Variants in CACNG8 observed in about 807,000 individuals in gnomAD.
CACNG8 encodes voltage-dependent calcium channel gamma-8 subunit.
In CACNG8, 5 loss-of-function variants were observed where a neutral mutation model predicts 26.9. The observed-to-expected ratio is 0.19, with a 90% CI of 0.10 to 0.39. The LOEUF (loss-of-function observed/expected upper bound fraction) is 0.39. Ranked by LOEUF, CACNG8 falls within the 10% of genes least tolerant of loss-of-function variation. The pLI is 1.00. For missense variants in CACNG8, 473 were observed against 609.4 expected (o/e 0.78, Z 2.36); for synonymous variants, 321 against 296.7 (o/e 1.08, Z -0.84).
At chr19:53,980,256 G>A (rs75921140) in intron 3 of CACNG8, among the ~76,000 whole-genome samples, 3,728 of 152,148 alleles carry the variant, frequency 0.025, 144 homozygotes, top group African/African-American at 0.086. Context: ...AACCGACACA[G>A]GCAGGTGTCT....
intron 1 of CACNG8, among the ~76,000 whole-genome samples, chr19:53,972,586 T>C (rs553991846): frequency 6.6e-6 from 1 of 151,810 alleles, no homozygotes; most frequent in African/African-American, 2.4e-5. Context: ...GGTCTCGAAC[T>C]CCTGACCTCA....
chr19:53,964,647 G>T (rs371294015), intron 1 of CACNG8, among the ~76,000 whole-genome samples: 1 of 151,944 alleles, frequency 6.6e-6, no homozygotes, highest in African/African-American at 2.4e-5. Flanking sequence ...CTCCTAGCTC[G>T]GCTCCCTGGC....
intron 1 of CACNG8, among the ~76,000 whole-genome samples, chr19:53,965,067 G>A (rs759652375): frequency 1.3e-5 from 2 of 152,184 alleles, no homozygotes; most frequent in Non-Finnish European, 2.9e-5. Context: ...TGGGTAAACT[G>A]AGGCTCAGAG....
intron 1 of CACNG8, 109 bp downstream of exon 1, chr19:53,963,534 C>G (rs886137249): frequency 1.8e-6 from 2 of 1,136,006 alleles, no homozygotes; most frequent in African/African-American, 3.3e-5. Flanking sequence ...GGCACCCCTC[C>G]TCCTCTGCCA....
Position 53,967,708 on chromosome 19 carries a change from G to A in CACNG8, c.283+4283G>A, listed in dbSNP as rs192098854. On this transcript the variant is annotated intron_variant, in intron 1 of 3. Transcript: ENST00000270458. ...AAATTAGCCAGGCGTGGTGGCACGCGCCTGTAGTCCCAGCTACTTGGTAGG... is the reference window on the plus strand; with the variant it reads ...AAATTAGCCAGGCGTGGTGGCACGCACCTGTAGTCCCAGCTACTTGGTAGG... 5.7e-4 allele frequency among the ~76,000 whole-genome samples: 86 copies of A among 152,208 alleles called. 1 individual carries two copies. In the East Asian group the frequency reaches 0.015, roughly 27 times the overall value.
At chr19:53,978,616 G>A (rs1057423565) in intron 2 of CACNG8, among the ~76,000 whole-genome samples, 1 of 151,686 alleles carries the variant, frequency 6.6e-6, no homozygotes, top group Non-Finnish European at 1.5e-5. Context: ...GGCTGGGAAA[G>A]CCTGTATTGC....
rs1420326442 is a variant in CACNG8 at position 53,982,608 on chromosome 19, G to T, written c.1037G>T (p.Gly346Val). The T allele has an allele frequency of 2.0e-6, 2 of 975,876 alleles. No homozygotes were observed. Among genetic ancestry groups the T allele is most frequent in the Non-Finnish European group, 2.4e-6 (2 of 823,380 alleles). The allele number at this position is 975,876 out of a possible 1,614,324, so 60.5% of individuals were successfully genotyped here. The change falls in exon 4 of 4, where the codon GGC (glycine) becomes GTC (valine). Residue 346 changes from glycine (G) to valine (V), a missense_variant. Gly to Val is a moderately radical substitution (Grantham distance 109). Coordinates refer to ENST00000270458, the MANE Select transcript of CACNG8 (RefSeq NM_031895.6). This position sits in a 1 kb window ranked among gnomAD's most constrained non-coding sequence, Gnocchi z 8.4. ...GGCGCGGCCGGGGGCGCCGGGGGCG[G>T]CGGCGGAGGCGGCGGCGGGGCGGGT...
chr19:53,978,282 G>C, intron 2 of CACNG8, 53 bp downstream of exon 2: 1 of 1,471,114 alleles, frequency 6.8e-7, no homozygotes. Context: ...GCGGGGCCTG[G>C]AAGGCGTCGG....
chr19:53,968,859 T>A (rs1600026077), intron 1 of CACNG8, among the ~76,000 whole-genome samples: 2 of 146,562 alleles, frequency 1.4e-5, no homozygotes, highest in African/African-American at 5.1e-5. Context: ...GAAAAACAGG[T>A]CCTTGGATGT....
At position 53,966,464 on chromosome 19, in the gene CACNG8, G is replaced by A. The variant is rs535367659; in HGVS notation, c.283+3039G>A. 5.3e-4 allele frequency among the ~76,000 whole-genome samples: 81 copies of A among 152,132 alleles called. 1 individual carries two copies. Among genetic ancestry groups the A allele is most frequent in the Admixed American group, 1.1e-3 (17 of 15,260 alleles). On this transcript the variant is annotated intron_variant, in intron 1 of 3. Coordinates refer to ENST00000270458, the MANE Select transcript of CACNG8 (RefSeq NM_031895.6). ...GTTTTGCTCTGTCACCCAGGCTGGC[G>A]TGCAGTGGTAAGACCATAGCTCACT... is the stretch of plus-strand genomic sequence containing the variant.
rs1314727938 is a variant in CACNG8, at chr19:53,989,560, C to T, written c.*6711C>T. ...AAGTACAAGGCCCTGCAATCTCAGG[C>T]CACTTCTGTCCCATCTCTGCCTTCA... On this transcript the variant is annotated 3_prime_UTR_variant, in exon 4 of 4. Transcript: ENST00000270458. The T allele has an allele frequency of 6.6e-6, 1 of 152,306 alleles. No individual in the cohort carries two copies. The highest frequency in any genetic ancestry group is 1.5e-5 in the Non-Finnish European group (1 of 68,060). The allele number at this position is 152,306 out of a possible 1,614,324, so 9.4% of individuals were successfully genotyped here.
In CACNG8 at chr19:53,987,692, G is replaced by A. The variant is rs1265885744; in HGVS notation, c.*4843G>A. ...ATTGTTACCAGGAACGAGGAGACTG[G>A]GATCAGGAAAGTGGCTTTGGGAGGG... On this transcript the variant is annotated 3_prime_UTR_variant, in exon 4 of 4. Transcript: ENST00000270458. The A allele has an allele frequency of 6.6e-6, 1 of 152,278 alleles. No homozygotes were observed. The highest frequency in any genetic ancestry group is 6.5e-5 in the Admixed American group (1 of 15,286). The allele number at this position is 152,278 out of a possible 1,614,324, so 9.4% of individuals were successfully genotyped here. A position where few individuals can be genotyped will look rare whatever the true frequency, so the allele number is the denominator to read the frequency against.
chr19:53,973,013 C>T (rs2069311538), intron 1 of CACNG8, among the ~76,000 whole-genome samples: 1 of 152,190 alleles, frequency 6.6e-6, no homozygotes. Context: ...CACTGCCTAC[C>T]TCCGAGGGTT....
intron 2 of CACNG8, among the ~76,000 whole-genome samples, chr19:53,979,074 G>A (rs1009319225): frequency 5.5e-5 from 8 of 146,502 alleles, no homozygotes; most frequent in African/African-American, 2.0e-4. Flanking sequence ...AGGGGGGAGA[G>A]ACCTAGGAAG....
At position 53,986,038 on chromosome 19, in the gene CACNG8, A is replaced by G. The variant is rs912917989; in HGVS notation, c.*3189A>G. On this transcript the variant is annotated 3_prime_UTR_variant, in exon 4 of 4. Transcript: ENST00000270458. ...GGAGAGCAGGAGAGACCAAACTAGT[A>G]GAGTCACAGACAGAGAAAAAGTCAA... The G allele has an allele frequency of 6.6e-6, 1 of 152,374 alleles. No individual in the cohort carries two copies. Among genetic ancestry groups the G allele is most frequent in the African/African-American group, 2.4e-5 (1 of 41,374 alleles). 9.4% of individuals were successfully genotyped at this position (152,374 alleles called of 1,614,324 possible).
At position 53,972,812 on chromosome 19, in the gene CACNG8, G is replaced by C. The variant is rs562100928; in HGVS notation, c.284-5334G>C. ...TGGTACGTTGGGATGTGTGTCCAGA[G>C]AGTTGGATTCCAGAGCCCACGATCA... On this transcript the variant is annotated intron_variant, in intron 1 of 3. Coordinates refer to ENST00000270458, the MANE Select transcript of CACNG8 (RefSeq NM_031895.6). Among the ~76,000 whole-genome samples the C allele has an allele frequency of 8.5e-5, 13 of 152,268 alleles. No homozygotes were observed. The South Asian group carries it at 2.7e-3, about 32-fold the overall frequency.
rs2069378192 is a variant in CACNG8 at position 53,982,599 on chromosome 19, C to CCGGGGG, written c.1032_1037dup (p.Gly351_Gly352dup). 1.0e-6 allele frequency: 1 copy of CCGGGGG among 964,536 alleles called. No individual in the cohort carries two copies. Among genetic ancestry groups the CCGGGGG allele is most frequent in the South Asian group, 4.6e-5 (1 of 21,846 alleles). 59.7% of individuals were successfully genotyped at this position (964,536 alleles called of 1,614,324 possible). A position where few individuals can be genotyped will look rare whatever the true frequency, so the allele number is the denominator to read the frequency against. The stretch of plus-strand genomic sequence containing the variant: ...GCGTTCGGCGGCGCGGCCGGGGGCG[C>CCGGGGG]CGGGGGCGGCGGCGGAGGCGGCGGC... On this transcript the variant is annotated inframe_insertion, in exon 4 of 4. Transcript: ENST00000270458. The surrounding 1 kb of genome is among the most constrained non-coding windows in gnomAD (Gnocchi z 8.4).
rs1568801537 is a variant in CACNG8, at chr19:53,979,914, C to T, written c.415C>T (p.Leu139=). Reference sequence around the variant, plus strand: ...CTTCCCCATCCTTAGCGCCATCCTGCTGCTGCTCGGGGGTGTGTGCGTGGC... The same window carrying T: ...CTTCCCCATCCTTAGCGCCATCCTGTTGCTGCTCGGGGGTGTGTGCGTGGC... Residue 139 remains leucine, a synonymous_variant, in exon 3 of 4, where the codon CTG becomes TTG. Transcript: ENST00000270458. 6.2e-7 allele frequency: 1 copy of T among 1,611,040 alleles called. No homozygotes were observed. The highest frequency in any genetic ancestry group is 8.5e-7 in the Non-Finnish European group (1 of 1,178,356).
Position 53,978,195 on chromosome 19 carries a change from G to A in CACNG8, c.333G>A (p.Thr111=). The change falls in exon 2 of 4, where the codon ACG becomes ACA. Residue 111 remains threonine (T), a synonymous_variant. Transcript: ENST00000270458. Reference sequence around the variant, plus strand: ...AGATCAATCATTTCCCGGAGGACACGGACTACGACCACGACAGCGCGGAGT... The same window carrying A: ...AGATCAATCATTTCCCGGAGGACACAGACTACGACCACGACAGCGCGGAGT... 6.2e-7 allele frequency: 1 copy of A among 1,611,842 alleles called. No individual in the cohort carries two copies. The highest frequency in any genetic ancestry group is 8.5e-7 in the Non-Finnish European group (1 of 1,179,150).
Sources: allele counts gnomAD v4.1 joint callset (sites outside exome capture counted in the v4.1 genomes callset), GRCh38; gene constraint gnomAD v4.1.1; non-coding constraint Gnocchi (gnomAD v3.1); transcripts MANE v1.5; gene names NCBI Gene and HGNC (gene_info 2026-07-23, HGNC 2026-07-21).